Variants in NSD1 observed in about 807,000 individuals in gnomAD.
The protein encoded by NSD1 is histone-lysine N-methyltransferase, H3 lysine-36 specific.
In NSD1, 26 loss-of-function variants were observed where a neutral mutation model predicts 242.7. That is an observed-to-expected ratio of 0.11 (90% confidence interval 0.08 to 0.15). NSD1 has a LOEUF of 0.15. NSD1 is among the 10% of genes least tolerant of loss of function. The pLI, the probability that NSD1 is intolerant of heterozygous loss-of-function variation, is 1.00. For synonymous variants in NSD1, 1,106 were observed against 1,178.1 expected, an observed-to-expected ratio of 0.94 and a Z score of 1.25; for missense variants, 2,495 against 3,272.8, an observed-to-expected ratio of 0.76 and a Z score of 5.80.
At chr5:177,168,542 C>G (rs1298199328) in intron 2 of NSD1, among the ~76,000 whole-genome samples, 1 of 151,670 alleles carries the variant, frequency 6.6e-6, no homozygotes, top group Non-Finnish European at 1.5e-5. Context: ...TCACTGCAGC[C>G]TCTGCCTCCC....
intron 14 of NSD1, among the ~76,000 whole-genome samples, chr5:177,263,994 G>A (rs1460542369): frequency 6.8e-6 from 1 of 146,824 alleles, no homozygotes; most frequent in Non-Finnish European, 1.5e-5. Context: ...AATGAAATAG[G>A]CCATTTAGAA....
intron 2 of NSD1, among the ~76,000 whole-genome samples, chr5:177,151,917 G>A (rs1046441639): frequency 4.6e-5 from 7 of 151,774 alleles, no homozygotes; most frequent in Admixed American, 2.6e-4. Context: ...CTGGAGTGCA[G>A]TGGTGCCATC....
chr5:177,209,969 G>C lies in NSD1; in HGVS notation c.1570G>C (p.Glu524Gln). The C allele has an allele frequency of 6.2e-7, 1 of 1,614,110 alleles. No homozygotes were observed. Among genetic ancestry groups the C allele is most frequent in the Non-Finnish European group, 8.5e-7 (1 of 1,180,008 alleles). Residue 524 changes from glutamate to glutamine, a missense_variant, in exon 5 of 23, where the codon GAA becomes CAA. Physicochemically the swap from Glu to Gln is conservative, Grantham distance 29. This residue lies in a region of NSD1 where 515 missense variants were observed against 467.0 expected (regional missense o/e 1.10). Coordinates refer to ENST00000439151, the MANE Select transcript of NSD1 (RefSeq NM_022455.5). ...GHIQFEAHKD[E>Q]RRGKIPENLG... ...CATACAATTTGAAGCACATAAAGAT[G>C]AACGGAGGGGAAAGATTCCAGAGAA...
chr5:177,202,187 T>C (rs1307717737), intron 3 of NSD1, among the ~76,000 whole-genome samples: 1 of 151,358 alleles, frequency 6.6e-6, no homozygotes, highest in Non-Finnish European at 1.5e-5. Context: ...AAAAAAAAGT[T>C]GTTCAAGTAC....
chr5:177,188,570 GTCA>G (rs2149816888), intron 2 of NSD1, among the ~76,000 whole-genome samples: 1 of 152,160 alleles, frequency 6.6e-6, no homozygotes, highest in Non-Finnish European at 1.5e-5. Context: ...TTTTTTTAAG[GTCA>G]TCATTATTGC....
intron 2 of NSD1, among the ~76,000 whole-genome samples, chr5:177,163,916 A>G (rs1758958133): frequency 6.6e-6 from 1 of 152,180 alleles, no homozygotes. Context: ...CAAAGTACTA[A>G]GAACACAACT....
In NSD1 at chr5:177,294,786, A is replaced by G; in HGVS notation, c.7418A>G (p.His2473Arg). ...PRQKERAASP[H>R]QVTPQADEKM... The stretch of plus-strand genomic sequence containing the variant: ...CAGAAGGAGCGGGCAGCTTCACCTC[A>G]TCAGGTCACACCACAGGCTGATGAG... The change falls in exon 23 of 23, where the codon CAT becomes CGT. Residue 2473 changes from histidine (H) to arginine (R), a missense_variant. By Grantham distance (29) the His-to-Arg change is conservative. Coordinates refer to ENST00000439151, the MANE Select transcript of NSD1 (RefSeq NM_022455.5). 1 of 1,613,558 alleles carries G rather than the reference A, an allele frequency of 6.2e-7. No homozygotes were observed.
chr5:177,167,616 C>CTACTA (rs1426108744), intron 2 of NSD1, among the ~76,000 whole-genome samples: 12 of 152,034 alleles, frequency 7.9e-5, no homozygotes, highest in African/African-American at 2.9e-4. Context: ...TACTCGTAGG[C>CTACTA]TACTAGTACA....
intron 13 of NSD1, 42 bp downstream of exon 13, chr5:177,257,193 A>T: frequency 1.4e-6 from 2 of 1,436,154 alleles, no homozygotes; most frequent in South Asian, 1.2e-5. Context: ...GTAAAACCTC[A>T]GTTTAATTGG....
chr5:177,186,280 G>C (rs1761225995), intron 2 of NSD1, among the ~76,000 whole-genome samples: 1 of 149,828 alleles, frequency 6.7e-6, no homozygotes, highest in African/African-American at 2.5e-5. Flanking sequence ...TACATAGGGA[G>C]ACCCTGTCTC....
At chr5:177,239,651 A>G (rs1765703216) in intron 7 of NSD1, 105 bp from the exon 8 acceptor site, 1 of 694,896 alleles carries the variant, frequency 1.4e-6, no homozygotes. Flanking sequence ...TGACGGGGAA[A>G]ACATCAAAAA....
chr5:177,146,204 CGT>C (rs1491364923), intron 2 of NSD1, among the ~76,000 whole-genome samples: 3 of 136,526 alleles, frequency 2.2e-5, no homozygotes, highest in East Asian at 2.2e-4. Flanking sequence ...CTTCACCAAT[CGT>C]TTTTTTTTTT....
rs2149884067 is a variant in NSD1 at position 177,235,945 on chromosome 5, G to A, written c.3921G>A (p.Lys1307=). 1 of 1,613,666 alleles carries A rather than the reference G, an allele frequency of 6.2e-7. No homozygotes were observed. The highest frequency in any genetic ancestry group is 8.5e-7 in the Non-Finnish European group (1 of 1,179,744). Residue 1307 remains lysine, a splice_region_variant and synonymous_variant, in exon 6 of 23, where the codon AAG becomes AAA. Coordinates refer to ENST00000439151, the MANE Select transcript of NSD1 (RefSeq NM_022455.5). ...AGAAGGTACAGGAGCAGGTGCACAA[G>A]GTATGTTGCAAAATTTCAGCAAACT... ...KQKKVQEQVH[K]VSSRCEEESL...
At position 177,210,927 on chromosome 5, in the gene NSD1, A is replaced by T. The variant is rs1372764641; in HGVS notation, c.2528A>T (p.His843Leu). 1 of 1,614,106 alleles carries T rather than the reference A, an allele frequency of 6.2e-7. No individual in the cohort carries two copies. The highest frequency in any genetic ancestry group is 1.7e-5 in the Admixed American group (1 of 59,990). Residue 843 changes from histidine to leucine, a missense_variant, in exon 5 of 23, where the codon CAT (histidine) becomes CTT (leucine). By Grantham distance (99) the His-to-Leu change is moderately conservative. Transcript: ENST00000439151. ...GGTCTAAAACTACTGAACAATATGC[A>T]TGAGAAAACCAGGGATTCAAGTGAC... The part of the protein sequence containing the change: ...VDGLKLLNNM[H>L]EKTRDSSDIE...
chr5:177,168,243 CCA>C (rs1173183644), intron 2 of NSD1, among the ~76,000 whole-genome samples: 2 of 152,146 alleles, frequency 1.3e-5, no homozygotes, highest in African/African-American at 4.8e-5. Flanking sequence ...TTGTTAATTC[CCA>C]CAGTTTTACT....
In NSD1 at chr5:177,177,665, A is replaced by T. The variant is rs1043183646; in HGVS notation, c.928-14219A>T. ...TCATACCCTGTCTTTCAAAGAAAAA[A>T]ATATCAGTATTAGATTGTATGTTCA... On this transcript the variant is annotated intron_variant, in intron 2 of 22. Transcript: ENST00000439151. 1.2e-4 allele frequency among the ~76,000 whole-genome samples: 19 copies of T among 152,220 alleles called. No individual in the cohort carries two copies. In the South Asian group the frequency reaches 3.7e-3, roughly 30 times the overall value.
chr5:177,269,512 T>C lies in NSD1; in HGVS notation c.5304-90T>C. On this transcript the variant is annotated intron_variant, in intron 15 of 22. Coordinates refer to ENST00000439151, the MANE Select transcript of NSD1 (RefSeq NM_022455.5). The surrounding 1 kb of genome is among the most constrained non-coding windows in gnomAD (Gnocchi z 5.1). ...GGACTTTAATGTGGACAGACAGACA[T>C]TGCTAATCCTTACTTTTATATGAGT... is the stretch of plus-strand genomic sequence containing the variant. The C allele has an allele frequency of 9.0e-7, 1 of 1,112,180 alleles. No homozygotes were observed. Among genetic ancestry groups the C allele is most frequent in the Non-Finnish European group, 1.3e-6 (1 of 741,222 alleles). The allele number at this position is 1,112,180 out of a possible 1,614,324, so 68.9% of individuals were successfully genotyped here. A position where few individuals can be genotyped will look rare whatever the true frequency, so the allele number is the denominator to read the frequency against.
intron 12 of NSD1, among the ~76,000 whole-genome samples, chr5:177,252,445 G>A (rs546105710): frequency 4.0e-5 from 6 of 151,298 alleles, no homozygotes; most frequent in Non-Finnish European, 5.9e-5. Context: ...GATTATTTGC[G>A]GGTTATAATG....
chr5:177,184,143 T>C (rs1371488964), intron 2 of NSD1, among the ~76,000 whole-genome samples: 2 of 152,224 alleles, frequency 1.3e-5, no homozygotes, highest in Admixed American at 6.5e-5. Context: ...TTTCTGTATA[T>C]AGCTAGTCGT....
Sources: allele counts gnomAD v4.1 joint callset (sites outside exome capture counted in the v4.1 genomes callset), GRCh38; gene constraint gnomAD v4.1.1; regional missense constraint gnomAD v4.1.1; non-coding constraint Gnocchi (gnomAD v3.1); transcripts MANE v1.5; gene names NCBI Gene and HGNC (gene_info 2026-07-23, HGNC 2026-07-21).